Variants in COX7B2 observed in about 807,000 individuals in gnomAD.
The protein encoded by COX7B2 is cytochrome c oxidase subunit 7B2.
For missense variants in COX7B2, 109 were observed against 95.9 expected (o/e 1.14, Z -0.57); for synonymous variants, 37 against 32.1 (o/e 1.15, Z -0.51).
intron 1 of COX7B2, among the ~76,000 whole-genome samples, chr4:46,892,845 G>C (rs1719512185): frequency 6.6e-6 from 1 of 152,138 alleles, no homozygotes; most frequent in Non-Finnish European, 1.5e-5. Context: ...GTCGCAAGAG[G>C]GACCCAGTGG....
intron 2 of COX7B2, among the ~76,000 whole-genome samples, chr4:46,829,934 G>A (rs1259731195): frequency 1.3e-5 from 2 of 152,122 alleles, no homozygotes; most frequent in Non-Finnish European, 2.9e-5. Context: ...CAGTTGTATG[G>A]AGAATGTGAA....
At chr4:46,854,389 A>C (rs1716880540) in intron 1 of COX7B2, among the ~76,000 whole-genome samples, 1 of 152,198 alleles carries the variant, frequency 6.6e-6, no homozygotes, top group African/African-American at 2.4e-5. Flanking sequence ...ATGAATAGGA[A>C]AATTCTTCAC....
At chr4:46,793,260 G>A (rs1039262530) in intron 2 of COX7B2, among the ~76,000 whole-genome samples, 6 of 152,018 alleles carry the variant, frequency 3.9e-5, no homozygotes, top group African/African-American at 1.5e-4. Context: ...TCCAGCCAGA[G>A]GGGGGTTATC....
intron 2 of COX7B2, among the ~76,000 whole-genome samples, chr4:46,756,698 C>G (rs754840567): frequency 2.0e-5 from 3 of 151,930 alleles, no homozygotes; most frequent in African/African-American, 2.4e-5. Context: ...AAAAAATATT[C>G]AACATCACTA....
chr4:46,879,410 T>A (rs182681521), intron 1 of COX7B2, among the ~76,000 whole-genome samples: 193 of 152,128 alleles, frequency 1.3e-3, no homozygotes, highest in African/African-American at 4.5e-3. Flanking sequence ...GCTGATTTTT[T>A]AAAAAGTTTT....
At chr4:46,888,100 G>A (rs141290802) in intron 1 of COX7B2, among the ~76,000 whole-genome samples, 9 of 152,094 alleles carry the variant, frequency 5.9e-5, no homozygotes, top group African/African-American at 1.2e-4. Flanking sequence ...GCAATAACTC[G>A]CATGGTGTGT....
At chr4:46,793,086 G>T (rs1388685615) in intron 2 of COX7B2, among the ~76,000 whole-genome samples, 1 of 152,196 alleles carries the variant, frequency 6.6e-6, no homozygotes, top group African/African-American at 2.4e-5. Flanking sequence ...GCTCCTGGCC[G>T]ACTGTGGTCA....
intron 2 of COX7B2, among the ~76,000 whole-genome samples, chr4:46,803,112 A>G (rs1306862362): frequency 6.6e-6 from 1 of 152,042 alleles, no homozygotes; most frequent in African/African-American, 2.4e-5. Context: ...TAAGTCTTCC[A>G]TTTTCCTCTT....
intron 2 of COX7B2, among the ~76,000 whole-genome samples, chr4:46,775,117 T>G (rs555601879): frequency 1.3e-5 from 2 of 152,240 alleles, no homozygotes; most frequent in South Asian, 4.1e-4. Flanking sequence ...GCTTGATACT[T>G]AAACATAAAT....
intron 2 of COX7B2, among the ~76,000 whole-genome samples, chr4:46,742,252 A>G (rs1299503152): frequency 6.6e-6 from 1 of 152,120 alleles, no homozygotes; most frequent in Non-Finnish European, 1.5e-5. Context: ...ACTCAACTGA[A>G]ATACCTTGAT....
intron 1 of COX7B2, among the ~76,000 whole-genome samples, chr4:46,862,089 C>T (rs1242652418): frequency 6.6e-6 from 1 of 152,230 alleles, no homozygotes; most frequent in Admixed American, 6.5e-5. Flanking sequence ...AGTTTCTCCA[C>T]TGCTGGTTAA....
chr4:46,761,642 C>T (rs867323375), intron 2 of COX7B2, among the ~76,000 whole-genome samples: 2 of 152,208 alleles, frequency 1.3e-5, no homozygotes, highest in Middle Eastern at 6.8e-3. Flanking sequence ...TGTTTGGACT[C>T]AATATCCTAA....
At chr4:46,782,190 C>T (rs1717499315) in intron 2 of COX7B2, among the ~76,000 whole-genome samples, 1 of 152,126 alleles carries the variant, frequency 6.6e-6, no homozygotes, top group Non-Finnish European at 1.5e-5. Flanking sequence ...AATCAGCACT[C>T]TGTGTCTAGG....
At chr4:46,812,478 A>G (rs745831479) in intron 2 of COX7B2, among the ~76,000 whole-genome samples, 56 of 152,290 alleles carry the variant, frequency 3.7e-4, no homozygotes, top group Non-Finnish European at 7.1e-4. Flanking sequence ...GCTCCAGGGA[A>G]TAAGGTACCA....
chr4:46,770,820 C>G (rs1357273610), intron 2 of COX7B2, among the ~76,000 whole-genome samples: 2 of 152,036 alleles, frequency 1.3e-5, no homozygotes, highest in Non-Finnish European at 2.9e-5. Flanking sequence ...TATGCAGAAT[C>G]AACTCAAAAG....
At chr4:46,798,485 TG>T (rs1718478030) in intron 2 of COX7B2, among the ~76,000 whole-genome samples, 1 of 152,176 alleles carries the variant, frequency 6.6e-6, no homozygotes, top group Non-Finnish European at 1.5e-5. Context: ...GTACTTAAAG[TG>T]TCACTCAGAG....
chr4:46,786,995 C>A (rs976268475), intron 2 of COX7B2, among the ~76,000 whole-genome samples: 3 of 152,272 alleles, frequency 2.0e-5, no homozygotes, highest in African/African-American at 7.2e-5. Context: ...ATACTGACAA[C>A]CATGACAGAG....
intron 2 of COX7B2, among the ~76,000 whole-genome samples, chr4:46,790,506 G>T (rs1268231370): frequency 6.6e-6 from 1 of 152,070 alleles, no homozygotes; most frequent in East Asian, 1.9e-4. Context: ...TTATCTTATT[G>T]TTGCTCCTTT....
chr4:46,800,833 A>G (rs1039615511), intron 2 of COX7B2, among the ~76,000 whole-genome samples: 1 of 152,200 alleles, frequency 6.6e-6, no homozygotes, highest in Non-Finnish European at 1.5e-5. Flanking sequence ...GACAACTCAC[A>G]GAATGGGCAA....
Sources: allele counts gnomAD v4.1 joint callset (sites outside exome capture counted in the v4.1 genomes callset), GRCh38; gene constraint gnomAD v4.1.1; transcripts MANE v1.5; gene names NCBI Gene and HGNC (gene_info 2026-07-23, HGNC 2026-07-21).